FRK: variants seen among roughly 807,000 people sequenced by gnomAD.
FRK encodes fyn related Src family tyrosine kinase, also known as tyrosine-protein kinase FRK.
In FRK, 51 loss-of-function variants were observed where a neutral mutation model predicts 56.4. The observed-to-expected ratio is 0.90, with a 90% CI of 0.72 to 1.14. The LOEUF (loss-of-function observed/expected upper bound fraction) is 1.14, where lower values mean the gene tolerates loss of function less well. Among genes scored for constraint, FRK ranks in the 50% most tolerant of loss-of-function variants. FRK has a pLI of 0.00. For missense variants in FRK, 570 were observed against 601.4 expected (o/e 0.95, Z 0.55); for synonymous variants, 245 against 217.9 (o/e 1.12, Z -1.10).
At chr6:116,097,718 ACATAACT>A in the FRK span, among the ~76,000 whole-genome samples, 1 of 152,228 alleles carries the variant, frequency 6.6e-6, no homozygotes, top group South Asian at 2.1e-4. Flanking sequence ...CTAAATTATT[ACATAACT>A]CATAAGTATA....
At chr6:115,945,793 C>T (rs1582630669) in intron 5 of FRK, among the ~76,000 whole-genome samples, 1 of 152,102 alleles carries the variant, frequency 6.6e-6, no homozygotes, top group Non-Finnish European at 1.5e-5. Flanking sequence ...ATAGGTTGCT[C>T]ATCTCTCCAG....
chr6:116,049,657 C>G (rs558798194), intron 1 of FRK, among the ~76,000 whole-genome samples: 20 of 152,304 alleles, frequency 1.3e-4, no homozygotes, highest in Non-Finnish European at 2.8e-4. Flanking sequence ...TACTTAAACT[C>G]TTTCAGCTTC....
chr6:115,956,591 G>C lies in FRK; in HGVS notation c.819C>G (p.Asp273Glu), dbSNP rs1773002792. Reference protein sequence around the residue: ...TLKPGSMDPNDFLREAQIMKN... With the variant: ...TLKPGSMDPNEFLREAQIMKN... Reference sequence around the variant, plus strand: ...TCATTATCTGTGCCTCCCTCAGGAAGTCATTTGGATCCATTGAACCTGAAA... The same window carrying C: ...TCATTATCTGTGCCTCCCTCAGGAACTCATTTGGATCCATTGAACCTGAAA... The change falls in exon 5 of 8, where the codon GAC (aspartate) becomes GAG (glutamate). Residue 273 changes from aspartate (D) to glutamate (E), a missense_variant. Coordinates refer to ENST00000606080, the MANE Select transcript of FRK (RefSeq NM_002031.3). 1 of 1,573,358 alleles carries C rather than the reference G, an allele frequency of 6.4e-7. No individual in the cohort carries two copies. Among genetic ancestry groups the C allele is most frequent in the East Asian group, 2.3e-5 (1 of 43,600 alleles).
At chr6:116,090,654 C>T in the FRK span, among the ~76,000 whole-genome samples, 1 of 152,324 alleles carries the variant, frequency 6.6e-6, no homozygotes, top group South Asian at 2.1e-4. Context: ...CAGGAAAAGC[C>T]ATGCATATGG....
intron 4 of FRK, among the ~76,000 whole-genome samples, chr6:115,963,070 G>C (rs1431043813): frequency 3.3e-5 from 2 of 60,188 alleles, no homozygotes; most frequent in Non-Finnish European, 6.7e-5. Flanking sequence ...AGGAGATAGA[G>C]ACACAAAAAA....
chr6:116,094,532 C>T, the FRK span, among the ~76,000 whole-genome samples: 350 of 152,350 alleles, frequency 2.3e-3, 4 homozygotes, highest in African/African-American at 7.8e-3. Flanking sequence ...ATCCTACATG[C>T]TCACGCTGCA....
At chr6:116,000,776 G>A (rs989110192) in intron 2 of FRK, among the ~76,000 whole-genome samples, 3 of 152,120 alleles carry the variant, frequency 2.0e-5, no homozygotes, top group African/African-American at 7.2e-5. Flanking sequence ...CTATTTATCT[G>A]TAAGGATGTC....
chr6:116,008,302 T>C (rs1775329074), intron 1 of FRK, among the ~76,000 whole-genome samples: 1 of 152,234 alleles, frequency 6.6e-6, no homozygotes, highest in Non-Finnish European at 1.5e-5. Context: ...TTTGGACTTT[T>C]GTATAATAGA....
At chr6:116,020,979 TA>T (rs975052396) in intron 1 of FRK, among the ~76,000 whole-genome samples, 2 of 151,938 alleles carry the variant, frequency 1.3e-5, no homozygotes, top group South Asian at 4.2e-4. Flanking sequence ...GAAATTGAAG[TA>T]AAAAAAAGGA....
chr6:115,955,109 T>G (rs1772934302), intron 5 of FRK, among the ~76,000 whole-genome samples: 1 of 151,522 alleles, frequency 6.6e-6, no homozygotes, highest in Non-Finnish European at 1.5e-5. Context: ...ACAATGAGAT[T>G]AGATGAAATT....
the FRK span, among the ~76,000 whole-genome samples, chr6:116,069,669 C>CA: frequency 3.5e-4 from 53 of 151,886 alleles, no homozygotes; most frequent in African/African-American, 1.3e-3. Flanking sequence ...GTAGATCAAA[C>CA]AAAAAAGGAT....
At chr6:116,100,484 G>A in the FRK span, among the ~76,000 whole-genome samples, 1 of 152,228 alleles carries the variant, frequency 6.6e-6, no homozygotes, top group African/African-American at 2.4e-5. Flanking sequence ...TAAAAGGTCA[G>A]GTCTAACCTC....
intron 4 of FRK, among the ~76,000 whole-genome samples, chr6:115,960,091 C>T (rs906763734): frequency 3.9e-5 from 6 of 152,066 alleles, no homozygotes; most frequent in African/African-American, 9.7e-5. Flanking sequence ...CCAGCGTGAG[C>T]GACGCAGAAG....
At chr6:116,098,118 T>TC in the FRK span, among the ~76,000 whole-genome samples, 68 of 129,338 alleles carry the variant, frequency 5.3e-4, 2 homozygotes, top group East Asian at 6.5e-3. Context: ...TTTTTTTTTT[T>TC]TTTTTTTTTA....
At chr6:116,100,693 G>C in the FRK span, among the ~76,000 whole-genome samples, 3 of 152,158 alleles carry the variant, frequency 2.0e-5, no homozygotes, top group Non-Finnish European at 4.4e-5. Flanking sequence ...AGGAGGACGC[G>C]AGCTGACTAC....
At chr6:116,035,506 G>A (rs543090054) in intron 1 of FRK, among the ~76,000 whole-genome samples, 10 of 151,944 alleles carry the variant, frequency 6.6e-5, no homozygotes, top group Non-Finnish European at 1.0e-4. Flanking sequence ...AACTCTCTAC[G>A]TAATAACATT....
chr6:115,949,208 T>A (rs1463355231), intron 5 of FRK, among the ~76,000 whole-genome samples: 1 of 152,236 alleles, frequency 6.6e-6, no homozygotes, highest in Non-Finnish European at 1.5e-5. Flanking sequence ...GTTTTCTAAA[T>A]ATACAATCAT....
At chr6:116,038,781 G>C (rs191230414) in intron 1 of FRK, 219 of 496,678 alleles carry the variant, frequency 4.4e-4, no homozygotes, top group African/African-American at 3.5e-3. Context: ...AAGTTCGTTG[G>C]GGGGAACTGG....
chr6:116,006,915 T>C (rs773607965), intron 1 of FRK, among the ~76,000 whole-genome samples: 1 of 152,120 alleles, frequency 6.6e-6, no homozygotes, highest in Non-Finnish European at 1.5e-5. Flanking sequence ...ATATATACCA[T>C]TGTAGTAGCA....
Sources: gnomAD v4.1 joint callset for allele counts (sites outside exome capture counted in the v4.1 genomes callset) on GRCh38, gnomAD v4.1.1 for gene constraint, MANE v1.5 for transcripts, NCBI Gene and HGNC (gene_info 2026-07-23, HGNC 2026-07-21) for gene names.